SPMIP5: variants seen among roughly 807,000 people sequenced by gnomAD.
SPMIP5 encodes sperm-associated microtubule inner protein 5.
the SPMIP5 span, among the ~76,000 whole-genome samples, chr10:116,669,006 A>G: frequency 5.3e-5 from 8 of 150,772 alleles, no homozygotes; most frequent in African/African-American, 2.0e-4. Context: ...TGAAGGAATC[A>G]GGAAGTCCCA....
At chr10:116,665,629 G>T in the SPMIP5 span, 1 of 1,613,858 alleles carries the variant, frequency 6.2e-7, no homozygotes, top group Non-Finnish European at 8.5e-7. Flanking sequence ...GGGTGGTACT[G>T]CAGATTGTAC....
chr10:116,670,280 T>C, the SPMIP5 span: 8 of 148,436 alleles, frequency 5.4e-5, no homozygotes, highest in Non-Finnish European at 1.0e-4. Context: ...GGTCTGCAGG[T>C]CTGGCCGGGG....
chr10:116,664,283 A>G, the SPMIP5 span: 1 of 1,560,898 alleles, frequency 6.4e-7, no homozygotes, highest in South Asian at 1.2e-5. Context: ...TAAAACAAGA[A>G]TAGAAGTCAC....
chr10:116,665,289 T>TGGCTGA, the SPMIP5 span: 1,547 of 405,360 alleles, frequency 3.8e-3, 23 homozygotes, highest in African/African-American at 0.026. Context: ...CTCAGCTACT[T>TGGCTGA]GGCTGAGGCT....
the SPMIP5 span, among the ~76,000 whole-genome samples, chr10:116,666,360 AC>A: frequency 6.6e-6 from 1 of 152,160 alleles, no homozygotes; most frequent in African/African-American, 2.4e-5. Context: ...CCACCAAGTA[AC>A]ATATAATCAT....
the SPMIP5 span, among the ~76,000 whole-genome samples, chr10:116,666,412 G>T: frequency 2.0e-5 from 3 of 151,736 alleles, no homozygotes; most frequent in Non-Finnish European, 4.4e-5. Context: ...TACTTAAACT[G>T]GAGGCTGAAT....
chr10:116,668,403 G>A, the SPMIP5 span: 20 of 1,150,382 alleles, frequency 1.7e-5, no homozygotes, highest in Admixed American at 3.6e-4. Context: ...GTGTGCACAA[G>A]CTCTTGGGAG....
chr10:116,665,564 G>T, the SPMIP5 span: 1 of 1,567,920 alleles, frequency 6.4e-7, no homozygotes. Flanking sequence ...AGAATCTGCA[G>T]GGGTGACCAG....
At chr10:116,669,515 T>C in the SPMIP5 span, among the ~76,000 whole-genome samples, 1 of 152,158 alleles carries the variant, frequency 6.6e-6, no homozygotes, top group African/African-American at 2.4e-5. Flanking sequence ...AGCCCCATGA[T>C]ATAAATGCTA....
At chr10:116,668,444 A>C in the SPMIP5 span, 1 of 828,822 alleles carries the variant, frequency 1.2e-6, no homozygotes, top group Non-Finnish European at 2.0e-6. Context: ...GTTGGGGCTG[A>C]GAGGCAGCAC....
the SPMIP5 span, chr10:116,663,885 T>G: frequency 3.3e-6 from 5 of 1,523,024 alleles, no homozygotes; most frequent in Non-Finnish European, 4.4e-6. Context: ...AAAGTTCACC[T>G]CCTTGGGAGA....
the SPMIP5 span, among the ~76,000 whole-genome samples, chr10:116,666,417 C>G: frequency 6.6e-6 from 1 of 151,802 alleles, no homozygotes. Context: ...AAACTGGAGG[C>G]TGAATCCTAA....
At chr10:116,663,809 A>C in the SPMIP5 span, 5 of 1,346,636 alleles carry the variant, frequency 3.7e-6, no homozygotes, top group Non-Finnish European at 4.9e-6. Flanking sequence ...TCTTGTTACT[A>C]AATTTCTTTA....
At chr10:116,663,881 C>T in the SPMIP5 span, 2 of 1,508,362 alleles carry the variant, frequency 1.3e-6, no homozygotes, top group Non-Finnish European at 1.8e-6. Context: ...ACTTAAAGTT[C>T]ACCTCCTTGG....
chr10:116,664,068 C>T, the SPMIP5 span: 1 of 1,608,648 alleles, frequency 6.2e-7, no homozygotes, highest in Admixed American at 1.7e-5. Context: ...GAGGAACCGT[C>T]CGTGTGAGTT....
At chr10:116,665,512 T>C in the SPMIP5 span, 10 of 1,102,970 alleles carry the variant, frequency 9.1e-6, no homozygotes, top group Non-Finnish European at 1.2e-5. Flanking sequence ...TTTGGAACGG[T>C]GCGGGATTCT....
At chr10:116,665,015 G>A in the SPMIP5 span, 1 of 1,544,010 alleles carries the variant, frequency 6.5e-7, no homozygotes. Context: ...AGAAGCTGAG[G>A]CCTGAAAACT....
the SPMIP5 span, chr10:116,668,164 G>C: frequency 9.6e-6 from 12 of 1,248,814 alleles, no homozygotes; most frequent in Non-Finnish European, 1.4e-5. Context: ...GGTCCAGTTG[G>C]CTGCACAGAC....
chr10:116,665,709 C>T, the SPMIP5 span: 2 of 1,614,164 alleles, frequency 1.2e-6, no homozygotes, highest in Non-Finnish European at 1.7e-6. Context: ...GGCCACTGCG[C>T]AGCACAATTC....
Sources: gnomAD v4.1 joint callset for allele counts (sites outside exome capture counted in the v4.1 genomes callset) on GRCh38, gnomAD v4.1.1 for gene constraint, MANE v1.5 for transcripts, NCBI Gene and HGNC (gene_info 2026-07-23, HGNC 2026-07-21) for gene names.